The following ANAPC5 variants were observed in gnomAD, a reference collection of about 807,000 sequenced individuals.
The protein encoded by ANAPC5 is anaphase-promoting complex subunit 5.
A neutral mutation model predicts 91.3 loss-of-function variants in ANAPC5; 60 were observed. That is an observed-to-expected ratio of 0.66 (90% CI 0.53 to 0.81). The LOEUF (loss-of-function observed/expected upper bound fraction) is 0.81, where lower values mean the gene tolerates loss of function less well. Ranked by LOEUF, ANAPC5 falls within the 40% of genes least tolerant of loss-of-function variation. The pLI, the probability that ANAPC5 is intolerant of heterozygous loss-of-function variation, is 0.00. For synonymous variants in ANAPC5, 340 were observed against 364.1 expected (o/e 0.93, Z 0.75); for missense variants, 690 against 931.5 (o/e 0.74, Z 3.37).
intron 4 of ANAPC5, 111 bp downstream of exon 4, chr12:121,345,728 G>A: frequency 9.0e-7 from 1 of 1,109,876 alleles, no homozygotes; most frequent in Non-Finnish European, 1.3e-6. Flanking sequence ...AGATCTGGAA[G>A]GGTAAAAAGG....
At chr12:121,324,701 G>A (rs1555272134) in intron 11 of ANAPC5, among the ~76,000 whole-genome samples, 1 of 152,060 alleles carries the variant, frequency 6.6e-6, no homozygotes, top group Non-Finnish European at 1.5e-5. Flanking sequence ...AGATCAGCCT[G>A]GGCAACACAA....
intron 3 of ANAPC5, 67 bp downstream of exon 3, chr12:121,346,829 G>C: frequency 1.1e-6 from 1 of 942,014 alleles, no homozygotes; most frequent in East Asian, 2.7e-5. Context: ...AACAATGATA[G>C]ACATGACTTA....
rs985318108 is a variant in ANAPC5, at chr12:121,342,180, C to G, written c.591-111G>C. On this transcript the variant is annotated intron_variant, in intron 4 of 16. Transcript: ENST00000261819. The surrounding 1 kb of genome is among the most constrained non-coding windows in gnomAD (Gnocchi z 4.1). ...TCGAAAGAGTTCAAAAAATTTAACT[C>G]TCTCCTCAGAACTAGGAAAGAAAAA... 4.2e-5 allele frequency: 32 copies of G among 754,710 alleles called. No individual in the cohort carries two copies. Among genetic ancestry groups the G allele is most frequent in the East Asian group, 5.4e-5 (2 of 36,958 alleles). The allele number at this position is 754,710 out of a possible 1,614,324, so 46.8% of individuals were successfully genotyped here.
intron 10 of ANAPC5, 123 bp from the exon 11 acceptor site, chr12:121,327,354 G>A (rs1409691961): frequency 6.6e-6 from 8 of 1,215,896 alleles, no homozygotes; most frequent in Non-Finnish European, 9.0e-6. Context: ...TGGCTTTCTT[G>A]GGAGCAGATG....
chr12:121,343,612 C>T (rs564840965), intron 4 of ANAPC5, among the ~76,000 whole-genome samples: 41 of 152,156 alleles, frequency 2.7e-4, no homozygotes, highest in Non-Finnish European at 4.7e-4. Context: ...TTTTGGGGAG[C>T]AGTTAATGGT....
At chr12:121,352,564 A>G (rs1298396143), upstream of ANAPC5, 6 of 501,364 alleles carry the variant, frequency 1.2e-5, no homozygotes, top group Non-Finnish European at 2.1e-5. Context: ...GGTGCACCAA[A>G]AGACTGACTC....
intron 13 of ANAPC5, 59 bp downstream of exon 13, chr12:121,319,638 A>G: frequency 3.9e-6 from 6 of 1,534,992 alleles, no homozygotes; most frequent in Non-Finnish European, 5.2e-6. Context: ...ATATAAAACA[A>G]AAACAAAACC....
At chr12:121,330,748 TAAGA>T in intron 8 of ANAPC5, 76 bp from the exon 9 acceptor site, 3 of 1,223,192 alleles carry the variant, frequency 2.5e-6, no homozygotes, top group Middle Eastern at 3.8e-4. Flanking sequence ...AATGTGGTCA[TAAGA>T]AAGAATTTAA....
chr12:121,320,634 C>G, intron 11 of ANAPC5, 175 bp from the exon 12 acceptor site: 1 of 461,356 alleles, frequency 2.2e-6, no homozygotes, highest in Non-Finnish European at 3.9e-6. Context: ...GACAGAGTCT[C>G]GCTCTGTAGC....
intron 6 of ANAPC5, 97 bp from the exon 7 acceptor site, chr12:121,335,820 C>A: frequency 1.0e-6 from 1 of 970,302 alleles, no homozygotes; most frequent in Non-Finnish European, 1.5e-6. Flanking sequence ...ACTAGTGTAT[C>A]CCATACCCTT....
Position 121,340,734 on chromosome 12 carries a change from T to TG in ANAPC5, c.657+1268_657+1269insC, listed in dbSNP as rs1241596507. 2.3e-3 allele frequency among the ~76,000 whole-genome samples: 48 copies of TG among 21,128 alleles called. No individual in the cohort carries two copies. In the Non-Finnish European group the frequency reaches 0.039, roughly 17 times the overall value. 13.9% of individuals were successfully genotyped at this position (21,128 alleles called of 152,430 possible). A position where few individuals can be genotyped will look rare whatever the true frequency, so the allele number is the denominator to read the frequency against. ...CACCCGGCTAATTTTTGTGTGTGTGTTTTTTTTAGCAGAAACAGGGTTTCA... is the reference window on the plus strand; with the variant it reads ...CACCCGGCTAATTTTTGTGTGTGTGTGTTTTTTTAGCAGAAACAGGGTTTCA... On this transcript the variant is annotated intron_variant, in intron 5 of 16. Coordinates refer to ENST00000261819, the MANE Select transcript of ANAPC5 (RefSeq NM_016237.5).
At position 121,328,296 on chromosome 12, in the gene ANAPC5, C is replaced by CA; in HGVS notation, c.1304+19dup. The CA allele has an allele frequency of 6.2e-7, 1 of 1,612,294 alleles. No individual in the cohort carries two copies. The highest frequency in any genetic ancestry group is 1.1e-5 in the South Asian group (1 of 90,980). On this transcript the variant is annotated intron_variant, in intron 10 of 16. Coordinates refer to ENST00000261819, the MANE Select transcript of ANAPC5 (RefSeq NM_016237.5). The stretch of plus-strand genomic sequence containing the variant: ...CTTCTCTCTAAAGAATTCACACCCC[C>CA]AGGGCCTTGGGAGACCTACCTGCGG...
intron 6 of ANAPC5, among the ~76,000 whole-genome samples, chr12:121,336,397 G>A (rs1222373319): frequency 6.6e-6 from 1 of 152,182 alleles, no homozygotes; most frequent in Non-Finnish European, 1.5e-5. Flanking sequence ...TGTCATTTAG[G>A]CTGGGCGTGA....
At chr12:121,353,431 G>T (rs1421667817), upstream of ANAPC5, among the ~76,000 whole-genome samples, 1 of 78,978 alleles carries the variant, frequency 1.3e-5, no homozygotes, top group African/African-American at 2.9e-5. Flanking sequence ...ACTGTGCCTT[G>T]TGCCTTTTGT....
intron 1 of ANAPC5, among the ~76,000 whole-genome samples, chr12:121,351,417 A>G (rs933515656): frequency 1.2e-4 from 18 of 152,060 alleles, no homozygotes; most frequent in African/African-American, 4.3e-4. Context: ...TAAAGTGCTT[A>G]GCACACAGTT....
At position 121,308,600 on chromosome 12, in the gene ANAPC5, G is replaced by A. The variant is rs763115890; in HGVS notation, c.2148C>T (p.Phe716=). 5 of 1,614,122 alleles carry A rather than the reference G, an allele frequency of 3.1e-6. No individual in the cohort carries two copies. In the Admixed American group the frequency reaches 8.3e-5, roughly 27 times the overall value. Residue 716 remains phenylalanine (F), a synonymous_variant, in exon 17 of 17, where the codon TTC becomes TTT. Coordinates refer to ENST00000261819, the MANE Select transcript of ANAPC5 (RefSeq NM_016237.5). ...CKERIRDVVY[F]QARLYHTLGK... ...CCAGGGTATGGTAGAGTCTGGCCTG[G>A]AAGTAAACGACGTCCCTGATGCGCT...
intron 11 of ANAPC5, among the ~76,000 whole-genome samples, chr12:121,322,235 T>C (rs888772020): frequency 2.0e-5 from 3 of 151,620 alleles, no homozygotes; most frequent in Non-Finnish European, 4.4e-5. Flanking sequence ...CTAGGCTCAC[T>C]GCAACCTCCA....
At chr12:121,322,047 GGA>G (rs1305257464) in intron 11 of ANAPC5, among the ~76,000 whole-genome samples, 2 of 151,848 alleles carry the variant, frequency 1.3e-5, no homozygotes, top group Non-Finnish European at 1.5e-5. Context: ...TGTATTTTTA[GGA>G]GAGACAGGGT....
intron 7 of ANAPC5, chr12:121,333,668 A>G (rs1903125257): frequency 6.6e-6 from 1 of 152,144 alleles, no homozygotes; most frequent in Non-Finnish European, 1.5e-5. Flanking sequence ...CCTCACTGAC[A>G]CCTTCCTCAG....
Sources: allele counts gnomAD v4.1 joint callset (sites outside exome capture counted in the v4.1 genomes callset), GRCh38; gene constraint gnomAD v4.1.1; non-coding constraint Gnocchi (gnomAD v3.1); transcripts MANE v1.5; gene names NCBI Gene and HGNC (gene_info 2026-07-23, HGNC 2026-07-21).